The following IL20RA variants were observed in gnomAD, a reference collection of about 807,000 sequenced individuals.
IL20RA encodes the protein interleukin-20 receptor subunit alpha.
Under a neutral mutation model 36.5 loss-of-function variants are expected in IL20RA, and 29 were observed. The ratio of observed to expected loss-of-function variants is 0.79; its 90% CI spans 0.59 to 1.08. The LOEUF is 1.08. Among genes scored for constraint, IL20RA ranks in the 50% least tolerant of loss-of-function variants. The pLI is 0.00. For missense variants in IL20RA, 652 were observed against 668.4 expected, an observed-to-expected ratio of 0.98 and a Z score of 0.27; for synonymous variants, 279 against 267.1, an observed-to-expected ratio of 1.04 and a Z score of -0.43.
chr6:137,023,349 A>G (rs1293451246), intron 1 of IL20RA, among the ~76,000 whole-genome samples: 1 of 152,206 alleles, frequency 6.6e-6, no homozygotes, highest in African/African-American at 2.4e-5. Flanking sequence ...CAAAGAGGAC[A>G]GTGGCCAAGA....
intron 1 of IL20RA, chr6:137,038,237 CAG>C (rs1376761068): frequency 3.5e-5 from 2 of 57,218 alleles, no homozygotes; most frequent in Admixed American, 5.0e-4. Flanking sequence ...TTTTTTGAGA[CAG>C]AGTCTTGCTC....
At chr6:137,044,452 C>A in intron 1 of IL20RA, 189 bp downstream of exon 1, 1 of 843,372 alleles carries the variant, frequency 1.2e-6, no homozygotes, top group Non-Finnish European at 1.6e-6. Context: ...GAGGCGACGG[C>A]GAGTGTCCCC....
rs1293254086 is a variant in IL20RA at position 137,000,258 on chromosome 6, T to C, written c.*1300A>G. ...TGTACCAATAATATCAATAAGGAAA[T>C]ATGGGTGATATCTCTTCTCATGAAA... On this transcript the variant is annotated 3_prime_UTR_variant, in exon 7 of 7. Coordinates refer to ENST00000316649, the MANE Select transcript of IL20RA (RefSeq NM_014432.4). The C allele has an allele frequency of 1.3e-5, 2 of 152,166 alleles. No individual in the cohort carries two copies. Among genetic ancestry groups the C allele is most frequent in the Non-Finnish European group, 2.9e-5 (2 of 68,034 alleles). The allele number at this position is 152,166 out of a possible 1,614,324, so 9.4% of individuals were successfully genotyped here. A position where few individuals can be genotyped will look rare whatever the true frequency, so the allele number is the denominator to read the frequency against.
chr6:137,014,413 G>C (rs934654341), intron 2 of IL20RA, among the ~76,000 whole-genome samples: 1 of 152,108 alleles, frequency 6.6e-6, no homozygotes, highest in African/African-American at 2.4e-5. Context: ...TATGATAGCA[G>C]AATAGATGGA....
At chr6:137,032,895 A>C (rs984316452) in intron 1 of IL20RA, among the ~76,000 whole-genome samples, 2 of 152,228 alleles carry the variant, frequency 1.3e-5, no homozygotes, top group Non-Finnish European at 2.9e-5. Flanking sequence ...GCTGAACAGG[A>C]CTTGCAGAAG....
At chr6:137,027,109 T>C (rs1776117263) in intron 1 of IL20RA, among the ~76,000 whole-genome samples, 1 of 152,160 alleles carries the variant, frequency 6.6e-6, no homozygotes, top group African/African-American at 2.4e-5. Flanking sequence ...CTCAAACTCC[T>C]GTTCTCAGGT....
At chr6:137,003,431 C>G (rs949574788) in intron 6 of IL20RA, among the ~76,000 whole-genome samples, 1 of 152,178 alleles carries the variant, frequency 6.6e-6, no homozygotes, top group Non-Finnish European at 1.5e-5. Context: ...CTTGCTTCTT[C>G]TTACTGTGAA....
chr6:137,003,206 C>T (rs1775144849), intron 6 of IL20RA, among the ~76,000 whole-genome samples: 1 of 152,140 alleles, frequency 6.6e-6, no homozygotes, highest in South Asian at 2.1e-4. Flanking sequence ...TCTCCCAATG[C>T]CATTAAGAAG....
At chr6:137,033,964 G>A (rs1207180143) in intron 1 of IL20RA, among the ~76,000 whole-genome samples, 1 of 152,176 alleles carries the variant, frequency 6.6e-6, no homozygotes, top group South Asian at 2.1e-4. Context: ...TTCCTTTGAT[G>A]TTGTTCATGA....
chr6:137,004,477 A>T, intron 6 of IL20RA, 144 bp downstream of exon 6: 1 of 864,522 alleles, frequency 1.2e-6, no homozygotes, highest in Non-Finnish European at 1.8e-6. Context: ...TGCCCAGCCC[A>T]GAAACTGTTT....
At chr6:137,002,439 C>G in intron 6 of IL20RA, 84 bp from the exon 7 acceptor site, 1 of 901,382 alleles carries the variant, frequency 1.1e-6, no homozygotes, top group Non-Finnish European at 1.7e-6. Flanking sequence ...ATCTTGTCAC[C>G]AGACAGTTTT....
At position 137,004,759 on chromosome 6, in the gene IL20RA, A is replaced by C; in HGVS notation, c.726T>G (p.Asp242Glu). The C allele has an allele frequency of 1.4e-6, 2 of 1,471,800 alleles. No homozygotes were observed. The highest frequency in any genetic ancestry group is 2.5e-5 in the South Asian group (2 of 79,458). The allele number at this position is 1,471,800 out of a possible 1,614,324, so 91.2% of individuals were successfully genotyped here. Residue 242 changes from aspartate to glutamate, a missense_variant and splice_region_variant, in exon 6 of 7, where the codon GAT (aspartate) becomes GAG (glutamate). Transcript: ENST00000316649. ...TTTTAGCCTTGAACTCTGATGATTG[A>C]TCTGTAAAAAAAAAAAAAAAGGTGG... ...SEKQCARTLK[D>E]QSSEFKAKII...
chr6:137,019,383 C>T (rs1403043214), intron 1 of IL20RA, among the ~76,000 whole-genome samples: 5 of 151,952 alleles, frequency 3.3e-5, no homozygotes, highest in Non-Finnish European at 5.9e-5. Context: ...GCCATCTTGG[C>T]CTCCCAAAGT....
chr6:137,027,856 A>G (rs1776148059), intron 1 of IL20RA, among the ~76,000 whole-genome samples: 1 of 152,218 alleles, frequency 6.6e-6, no homozygotes, highest in Admixed American at 6.5e-5. Context: ...CGCCTGGGAT[A>G]CTTACATTTA....
intron 5 of IL20RA, among the ~76,000 whole-genome samples, chr6:137,005,243 G>A (rs747371990): frequency 2.6e-5 from 4 of 152,222 alleles, no homozygotes; most frequent in South Asian, 2.1e-4. Context: ...AATGCATGAC[G>A]CCACTTTTAT....
At chr6:137,004,165 T>TTTTTTTTTG (rs1775185702) in intron 6 of IL20RA, among the ~76,000 whole-genome samples, 1 of 121,402 alleles carries the variant, frequency 8.2e-6, no homozygotes, top group African/African-American at 3.3e-5. Flanking sequence ...AAAGCTTTTT[T>TTTTTTTTTG]TTTTTTTTTT....
At chr6:137,014,863 G>C (rs947477822) in intron 2 of IL20RA, among the ~76,000 whole-genome samples, 1 of 152,100 alleles carries the variant, frequency 6.6e-6, no homozygotes, top group Non-Finnish European at 1.5e-5. Flanking sequence ...TTTTGGGTTT[G>C]TCTTTATCTC....
chr6:137,041,668 T>C (rs1776697684), intron 1 of IL20RA, among the ~76,000 whole-genome samples: 2 of 152,190 alleles, frequency 1.3e-5, no homozygotes, highest in African/African-American at 2.4e-5. Context: ...TCTCACTCCA[T>C]TAAGTCATTC....
intron 1 of IL20RA, 100 bp downstream of exon 1, chr6:137,044,541 G>A: frequency 8.7e-7 from 1 of 1,144,298 alleles, no homozygotes. Context: ...GCGAAACCTG[G>A]CCGGCGGGCA....
Sources: gnomAD v4.1 joint callset for allele counts (sites outside exome capture counted in the v4.1 genomes callset) on GRCh38, gnomAD v4.1.1 for gene constraint, MANE v1.5 for transcripts, NCBI Gene and HGNC (gene_info 2026-07-23, HGNC 2026-07-21) for gene names.